The following DNM2 variants were observed in gnomAD, a reference collection of about 807,000 sequenced individuals.
DNM2 encodes dynamin 2.
A neutral mutation model predicts 99.0 loss-of-function variants in DNM2; 15 were observed. The ratio of observed to expected loss-of-function variants is 0.15; its 90% CI spans 0.10 to 0.23. DNM2 has a LOEUF of 0.23. Among genes scored for constraint, DNM2 ranks in the 10% least tolerant of loss-of-function variants. DNM2 has a pLI of 1.00. For missense variants in DNM2, 742 were observed against 1,189.4 expected, an observed-to-expected ratio of 0.62 and a Z score of 5.53; for synonymous variants, 525 against 481.2, an observed-to-expected ratio of 1.09 and a Z score of -1.19.
intron 12 of DNM2, among the ~76,000 whole-genome samples, chr19:10,804,023 T>C (rs1023962173): frequency 1.8e-4 from 27 of 152,134 alleles, no homozygotes; most frequent in Non-Finnish European, 1.2e-4. Flanking sequence ...ACCCAGAGAA[T>C]TGGACCCAGG....
intron 1 of DNM2, among the ~76,000 whole-genome samples, chr19:10,743,617 T>C (rs1355982725): frequency 6.6e-6 from 1 of 151,712 alleles, no homozygotes; most frequent in African/African-American, 2.4e-5. Context: ...GAGACCATCC[T>C]GGCTAATATG....
Position 10,775,660 on chromosome 19 carries a change from C to A in DNM2, c.386-43C>A. The A allele has an allele frequency of 6.2e-7, 1 of 1,612,316 alleles. No homozygotes were observed. Among genetic ancestry groups the A allele is most frequent in the South Asian group, 1.1e-5 (1 of 90,932 alleles). The stretch of plus-strand genomic sequence containing the variant: ...GGCTGCGGGCCTGTTTGTGCCTCCC[C>A]TCTCCTGGCTCTGAATGCCTTTCCT... On this transcript the variant is annotated intron_variant, in intron 3 of 20. Transcript: ENST00000389253. The surrounding 1 kb of genome is among the most constrained non-coding windows in gnomAD (Gnocchi z 4.3).
At chr19:10,739,523 G>T (rs983886797) in intron 1 of DNM2, among the ~76,000 whole-genome samples, 3 of 152,132 alleles carry the variant, frequency 2.0e-5, no homozygotes, top group Non-Finnish European at 4.4e-5. Context: ...ATGGCCTTTT[G>T]TGTGTGGCTT....
At position 10,718,421 on chromosome 19, in the gene DNM2, G is replaced by A; in HGVS notation, c.161+18G>A. 1 of 1,441,698 alleles carries A rather than the reference G, an allele frequency of 6.9e-7. No homozygotes were observed. Among genetic ancestry groups the A allele is most frequent in the Non-Finnish European group, 9.1e-7 (1 of 1,095,874 alleles). 89.3% of individuals were successfully genotyped at this position (1,441,698 alleles called of 1,614,324 possible). ...GTGGGCCGGTGAGCGGGCGCGGCAG[G>A]GATCGCGGGCGGGTGGCGGCCTAGG... On this transcript the variant is annotated intron_variant, in intron 1 of 20. Transcript: ENST00000389253.
chr19:10,733,096 C>T (rs2069390383), intron 1 of DNM2, among the ~76,000 whole-genome samples: 1 of 151,672 alleles, frequency 6.6e-6, no homozygotes, highest in Non-Finnish European at 1.5e-5. Context: ...GTTGGCCAGG[C>T]TAGTCTTGAA....
chr19:10,826,509 A>G (rs2073148119), intron 18 of DNM2, among the ~76,000 whole-genome samples: 1 of 152,212 alleles, frequency 6.6e-6, no homozygotes, highest in East Asian at 1.9e-4. Flanking sequence ...TACTGATAGT[A>G]TCTCCAGCTC....
At chr19:10,798,400 C>G (rs1050334339) in intron 10 of DNM2, 86 bp from the exon 11 acceptor site, 15 of 1,012,302 alleles carry the variant, frequency 1.5e-5, no homozygotes, top group Non-Finnish European at 2.0e-5. Context: ...TCCCCACCCC[C>G]CTCCGCATTT....
At chr19:10,737,618 T>A (rs537141005) in intron 1 of DNM2, among the ~76,000 whole-genome samples, 10 of 152,146 alleles carry the variant, frequency 6.6e-5, no homozygotes, top group Non-Finnish European at 1.2e-4. Flanking sequence ...CCCAAGTAGC[T>A]GGGATTACAG....
At position 10,764,711 on chromosome 19, in the gene DNM2, G is replaced by T. The variant is rs2070740683; in HGVS notation, c.235+4900G>T. On this transcript the variant is annotated intron_variant, in intron 2 of 20. Transcript: ENST00000389253. The surrounding 1 kb of genome is among the most constrained non-coding windows in gnomAD (Gnocchi z 4.1). ...TCGAGCCTCCTTCTCAAGGCCTTGTGGCCCTTGCCAGTCTCTGGGACCTCA... is the reference window on the plus strand; with the variant it reads ...TCGAGCCTCCTTCTCAAGGCCTTGTTGCCCTTGCCAGTCTCTGGGACCTCA... Among the ~76,000 whole-genome samples, 1 of 152,146 alleles carries T rather than the reference G, an allele frequency of 6.6e-6. No homozygotes were observed. Among genetic ancestry groups the T allele is most frequent in the African/African-American group, 2.4e-5 (1 of 41,460 alleles).
chr19:10,719,605 G>T (rs12974306), intron 1 of DNM2, among the ~76,000 whole-genome samples: 64,771 of 152,038 alleles, frequency 0.43, 14,522 homozygotes, highest in Admixed American at 0.5. Context: ...AACCCCTCTT[G>T]CCTTTCTTGT....
chr19:10,749,457 C>G (rs1032117250), intron 1 of DNM2, among the ~76,000 whole-genome samples: 1 of 152,226 alleles, frequency 6.6e-6, no homozygotes, highest in Non-Finnish European at 1.5e-5. Flanking sequence ...AGGTGGCCCA[C>G]TTTAGAGCTC....
At position 10,764,958 on chromosome 19, in the gene DNM2, T is replaced by C. The variant is rs1191209842; in HGVS notation, c.235+5147T>C. Among the ~76,000 whole-genome samples, 2 of 151,412 alleles carry C rather than the reference T, an allele frequency of 1.3e-5. No individual in the cohort carries two copies. Among genetic ancestry groups the C allele is most frequent in the African/African-American group, 4.8e-5 (2 of 41,336 alleles). ...AGTTATCCTGTTCTTGTTTTTTCTT[T>C]TTCTTTTTTTTTTTTTTTTGAGATG... On this transcript the variant is annotated intron_variant, in intron 2 of 20. Coordinates refer to ENST00000389253, the MANE Select transcript of DNM2 (RefSeq NM_001005361.3). The surrounding 1 kb of genome is among the most constrained non-coding windows in gnomAD (Gnocchi z 4.1).
chr19:10,729,748 GC>G (rs1453532626), intron 1 of DNM2, among the ~76,000 whole-genome samples: 1 of 152,154 alleles, frequency 6.6e-6, no homozygotes, highest in Non-Finnish European at 1.5e-5. Context: ...CCTTCCTCCA[GC>G]TCTACCTGGG....
rs757620658 is a variant in DNM2, at chr19:10,830,119, C to A, written c.2292-8C>A. The A allele has an allele frequency of 1.2e-6, 2 of 1,613,854 alleles. No individual in the cohort carries two copies. Among genetic ancestry groups the A allele is most frequent in the Non-Finnish European group, 1.7e-6 (2 of 1,179,836 alleles). On this transcript the variant is annotated splice_polypyrimidine_tract_variant and splice_region_variant and intron_variant, in intron 19 of 20. Coordinates refer to ENST00000389253, the MANE Select transcript of DNM2 (RefSeq NM_001005361.3). The surrounding 1 kb of genome is among the most constrained non-coding windows in gnomAD (Gnocchi z 4.8). ...TATCTGTAGCTCACACCCTCTCCTT[C>A]CTCACAGCCCCACTCCACAGCGCCG...
chr19:10,741,717 T>A (rs964240632), intron 1 of DNM2, among the ~76,000 whole-genome samples: 2 of 151,520 alleles, frequency 1.3e-5, no homozygotes, highest in African/African-American at 4.8e-5. Context: ...GCCCGGCTAA[T>A]TTTTTTTGTA....
intron 1 of DNM2, among the ~76,000 whole-genome samples, chr19:10,748,818 A>G (rs1428731551): frequency 1.3e-5 from 2 of 152,100 alleles, no homozygotes; most frequent in African/African-American, 4.8e-5. Context: ...ATTTGCCGCT[A>G]TGTTGCCCGA....
At chr19:10,726,005 G>T (rs2069102253) in intron 1 of DNM2, among the ~76,000 whole-genome samples, 1 of 151,966 alleles carries the variant, frequency 6.6e-6, no homozygotes, top group African/African-American at 2.4e-5. Flanking sequence ...CGGATCACGG[G>T]GTCAAGAGAT....
intron 1 of DNM2, among the ~76,000 whole-genome samples, chr19:10,740,992 C>T (rs1342777682): frequency 2.6e-5 from 4 of 152,096 alleles, no homozygotes; most frequent in East Asian, 1.9e-4. Flanking sequence ...GGCTTGGCCT[C>T]GAATACGGTG....
Position 10,795,473 on chromosome 19 carries a change from T to A in DNM2, c.1196+34T>A, listed in dbSNP as rs758508782. ...CACGAGGAGAGTCACCACTGTTCCT[T>A]CCTCTCCGTGGTGCGACCCCCCAGC... On this transcript the variant is annotated intron_variant, in intron 9 of 20. Transcript: ENST00000389253. The surrounding 1 kb of genome is among the most constrained non-coding windows in gnomAD (Gnocchi z 4.2). The A allele has an allele frequency of 1.2e-6, 2 of 1,612,842 alleles. No homozygotes were observed. The highest frequency in any genetic ancestry group is 1.7e-6 in the Non-Finnish European group (2 of 1,179,132).
Sources: gnomAD v4.1 joint callset for allele counts (sites outside exome capture counted in the v4.1 genomes callset) on GRCh38, gnomAD v4.1.1 for gene constraint, Gnocchi (gnomAD v3.1) non-coding constraint, MANE v1.5 for transcripts, NCBI Gene and HGNC (gene_info 2026-07-23, HGNC 2026-07-21) for gene names.